AGPS: variants seen among roughly 807,000 people sequenced by gnomAD.
The protein encoded by AGPS is alkyldihydroxyacetonephosphate synthase, peroxisomal.
Under a neutral mutation model 90.7 loss-of-function variants are expected in AGPS, and 26 were observed. That is an observed-to-expected ratio of 0.29 (90% CI 0.21 to 0.40). The LOEUF is 0.40. Among genes scored for constraint, AGPS ranks in the 10% least tolerant of loss-of-function variants. AGPS has a pLI of 1.00. For synonymous variants in AGPS, 294 were observed against 285.3 expected, an observed-to-expected ratio of 1.03 and a Z score of -0.31; for missense variants, 540 against 816.1, an observed-to-expected ratio of 0.66 and a Z score of 4.12.
intron 1 of AGPS, among the ~76,000 whole-genome samples, chr2:177,409,409 C>A (rs1424754381): frequency 6.7e-6 from 1 of 150,146 alleles, no homozygotes; most frequent in Non-Finnish European, 1.5e-5. Flanking sequence ...TTTTTTACCT[C>A]CTGCTTTAGC....
intron 10 of AGPS, among the ~76,000 whole-genome samples, chr2:177,471,786 A>G (rs980509818): frequency 1.1e-4 from 17 of 152,154 alleles, no homozygotes; most frequent in African/African-American, 4.1e-4. Flanking sequence ...TGGCTGTGAT[A>G]CTTGAAGGAC....
intron 19 of AGPS, among the ~76,000 whole-genome samples, chr2:177,528,412 A>AC (rs2079108559): frequency 6.6e-6 from 1 of 152,182 alleles, no homozygotes; most frequent in Admixed American, 6.5e-5. Flanking sequence ...ATTACTTTGT[A>AC]CCTCTAGCAG....
At chr2:177,406,934 A>G (rs991822308) in intron 1 of AGPS, among the ~76,000 whole-genome samples, 3 of 152,198 alleles carry the variant, frequency 2.0e-5, no homozygotes, top group Admixed American at 6.5e-5. Context: ...TGCCTCCACA[A>G]TGAAGGGTTC....
At chr2:177,530,414 C>G (rs2079128442) in intron 19 of AGPS, among the ~76,000 whole-genome samples, 1 of 151,990 alleles carries the variant, frequency 6.6e-6, no homozygotes, top group East Asian at 1.9e-4. Context: ...TTTTTAGTTA[C>G]CTTACTAAAC....
chr2:177,460,164 G>T (rs1687250402), intron 8 of AGPS, among the ~76,000 whole-genome samples: 1 of 152,178 alleles, frequency 6.6e-6, no homozygotes, highest in African/African-American at 2.4e-5. Flanking sequence ...GGGGCCTGGG[G>T]CGCGGTGGGA....
intron 19 of AGPS, among the ~76,000 whole-genome samples, chr2:177,526,904 A>G (rs1487084581): frequency 3.3e-5 from 5 of 152,232 alleles, no homozygotes; most frequent in African/African-American, 1.2e-4. Context: ...ATGCAGTGGA[A>G]TAGATATTAT....
intron 15 of AGPS, among the ~76,000 whole-genome samples, chr2:177,506,851 A>C (rs191285156): frequency 6.6e-6 from 1 of 152,114 alleles, no homozygotes; most frequent in African/African-American, 2.4e-5. Flanking sequence ...TATACATAAA[A>C]TGTTGTTTGT....
chr2:177,453,042 T>C (rs1686998664), intron 8 of AGPS, among the ~76,000 whole-genome samples: 1 of 151,962 alleles, frequency 6.6e-6, no homozygotes, highest in African/African-American at 2.4e-5. Context: ...ATGACTTTAG[T>C]GTGGGTCTGC....
intron 19 of AGPS, 45 bp from the exon 20 acceptor site, chr2:177,538,029 A>C (rs1352737987): frequency 6.2e-7 from 1 of 1,610,120 alleles, no homozygotes. Context: ...ATTGGTTCCC[A>C]GTATCATAGC....
chr2:177,465,589 G>A (rs776732238), intron 9 of AGPS, among the ~76,000 whole-genome samples: 4 of 152,168 alleles, frequency 2.6e-5, no homozygotes, highest in Non-Finnish European at 4.4e-5. Context: ...TGGCCACAGC[G>A]CACAGTCAGG....
At chr2:177,466,507 T>C (rs563588854) in intron 9 of AGPS, among the ~76,000 whole-genome samples, 94 of 152,322 alleles carry the variant, frequency 6.2e-4, no homozygotes, top group African/African-American at 2.2e-3. Flanking sequence ...CCTGTCTGCC[T>C]CCTGCCACTG....
chr2:177,442,480 A>G lies in AGPS; in HGVS notation c.783A>G (p.Ser261=). The G allele has an allele frequency of 6.2e-7, 1 of 1,603,228 alleles. No individual in the cohort carries two copies. Among genetic ancestry groups the G allele is most frequent in the Non-Finnish European group, 8.5e-7 (1 of 1,170,198 alleles). The stretch of plus-strand genomic sequence containing the variant: ...GAACAATTATTTCTTTGGACACTTC[A>G]CAAATGGTATTTAATAATTTGAGAT... ...ETRTIISLDT[S]QMNRILWVDE... is the part of the protein sequence containing the mutation. Residue 261 remains serine (S), a synonymous_variant, in exon 7 of 20, where the codon TCA becomes TCG. Coordinates refer to ENST00000264167, the MANE Select transcript of AGPS (RefSeq NM_003659.4).
chr2:177,420,659 AG>A (rs1685917614), intron 2 of AGPS, among the ~76,000 whole-genome samples: 1 of 151,710 alleles, frequency 6.6e-6, no homozygotes, highest in Non-Finnish European at 1.5e-5. Flanking sequence ...TTAGTTATCC[AG>A]TTCATATTCA....
intron 19 of AGPS, among the ~76,000 whole-genome samples, chr2:177,526,978 A>T: frequency 6.6e-6 from 1 of 152,228 alleles, no homozygotes; most frequent in Non-Finnish European, 1.5e-5. Flanking sequence ...AAAATCAGTA[A>T]TAATTGTTAG....
At chr2:177,524,494 A>G (rs1424854194) in intron 19 of AGPS, among the ~76,000 whole-genome samples, 2 of 152,202 alleles carry the variant, frequency 1.3e-5, no homozygotes, top group African/African-American at 2.4e-5. Flanking sequence ...TAGAATAGAA[A>G]TTTGTTCTTA....
chr2:177,498,743 C>T (rs1173411284), intron 13 of AGPS, among the ~76,000 whole-genome samples: 1 of 151,702 alleles, frequency 6.6e-6, no homozygotes, highest in African/African-American at 2.4e-5. Context: ...TGTGGCAGCA[C>T]CATTAATTAA....
intron 9 of AGPS, among the ~76,000 whole-genome samples, 183 bp from the exon 10 acceptor site, chr2:177,468,233 A>G (rs1270003225): frequency 1.3e-5 from 2 of 152,142 alleles, no homozygotes; most frequent in African/African-American, 4.8e-5. Flanking sequence ...TTAAGGTTAT[A>G]TACAAATTTA....
intron 3 of AGPS, among the ~76,000 whole-genome samples, chr2:177,434,997 G>GGGTACATATA (rs36151985): frequency 7.8e-6 from 1 of 128,160 alleles, no homozygotes; most frequent in Non-Finnish European, 1.6e-5. Context: ...TAAACTGTAG[G>GGGTACATATA]TATATATATA....
At chr2:177,509,474 G>T (rs2105722158) in intron 16 of AGPS, among the ~76,000 whole-genome samples, 1 of 152,174 alleles carries the variant, frequency 6.6e-6, no homozygotes, top group South Asian at 2.1e-4. Context: ...AGACCATCCT[G>T]GCTAACACGG....
Sources: allele counts gnomAD v4.1 joint callset (sites outside exome capture counted in the v4.1 genomes callset), GRCh38; gene constraint gnomAD v4.1.1; transcripts MANE v1.5; gene names NCBI Gene and HGNC (gene_info 2026-07-23, HGNC 2026-07-21).